RHOD: variants seen among roughly 807,000 people sequenced by gnomAD.
RHOD encodes rho-related GTP-binding protein RhoD.
Under a neutral mutation model 16.7 loss-of-function variants are expected in RHOD, and 11 were observed. The observed-to-expected ratio is 0.66, with a 90% confidence interval of 0.41 to 1.09. The LOEUF is 1.09. Ranked by LOEUF, RHOD falls within the 50% of genes least tolerant of loss-of-function variation. The probability of loss-of-function intolerance (pLI) is 0.00; values close to 1 mark genes in which losing one functional copy is unlikely to be tolerated. For missense variants in RHOD, 271 were observed against 291.7 expected (o/e 0.93, Z 0.52); for synonymous variants, 124 against 126.3 (o/e 0.98, Z 0.12).
intron 1 of RHOD, among the ~76,000 whole-genome samples, chr11:67,059,484 A>G (rs1202341645): frequency 6.6e-6 from 1 of 152,144 alleles, no homozygotes; most frequent in East Asian, 1.9e-4. Context: ...TGGAGGTTGC[A>G]GTGAACCGAG....
At chr11:67,061,226 G>A (rs543370750) in intron 1 of RHOD, among the ~76,000 whole-genome samples, 5 of 152,272 alleles carry the variant, frequency 3.3e-5, no homozygotes, top group South Asian at 4.1e-4. Flanking sequence ...TTGGCCAGGC[G>A]TGGTGGCTCA....
chr11:67,061,403 C>T (rs1008788695), intron 1 of RHOD, among the ~76,000 whole-genome samples: 2 of 152,046 alleles, frequency 1.3e-5, no homozygotes, highest in African/African-American at 2.4e-5. Context: ...GAGGCCGAGG[C>T]GGGTGGATCA....
chr11:67,064,945 G>T (rs1445884795), intron 1 of RHOD, among the ~76,000 whole-genome samples: 2 of 152,114 alleles, frequency 1.3e-5, no homozygotes, highest in African/African-American at 4.8e-5. Context: ...GGAGTCCCCT[G>T]CCCCCATCCA....
At position 67,066,739 on chromosome 11, in the gene RHOD, G is replaced by A. The variant is rs1854963209; in HGVS notation, c.222G>A (p.Gly74=). ...PVHLHIWDTA[G]QDDYDRLRPL... ...AGTGACCACCTCCACTCTGCCCAGG[G>A]CAAGATGACTATGACCGCCTGCGGC... Residue 74 remains glycine (G), a splice_region_variant and synonymous_variant, in exon 3 of 5, where the codon GGG becomes GGA. Transcript: ENST00000308831. 3 of 1,607,104 alleles carry A rather than the reference G, an allele frequency of 1.9e-6. No homozygotes were observed. Among genetic ancestry groups the A allele is most frequent in the Non-Finnish European group, 2.6e-6 (3 of 1,173,772 alleles).
intron 1 of RHOD, among the ~76,000 whole-genome samples, chr11:67,063,447 C>T (rs905861096): frequency 6.7e-6 from 1 of 149,224 alleles, no homozygotes; most frequent in African/African-American, 2.5e-5. Flanking sequence ...GAGTCAAGAT[C>T]GCACCACTGC....
chr11:67,063,613 T>A (rs1053390179), intron 1 of RHOD, among the ~76,000 whole-genome samples: 2 of 149,586 alleles, frequency 1.3e-5, no homozygotes, highest in African/African-American at 2.5e-5. Flanking sequence ...GCCTGGCTAA[T>A]ATGGTGAAAC....
At position 67,065,979 on chromosome 11, in the gene RHOD, A is replaced by G; in HGVS notation, c.216A>G (p.Thr72=). 1 of 1,251,934 alleles carries G rather than the reference A, an allele frequency of 8.0e-7. No homozygotes were observed. The highest frequency in any genetic ancestry group is 1.2e-5 in the South Asian group (1 of 84,800). 77.6% of individuals were successfully genotyped at this position (1,251,934 alleles called of 1,614,324 possible). A position where few individuals can be genotyped will look rare whatever the true frequency, so the allele number is the denominator to read the frequency against. The change falls in exon 2 of 5, where the codon ACA becomes ACG. Residue 72 remains threonine (T), a synonymous_variant. Coordinates refer to ENST00000308831, the MANE Select transcript of RHOD (RefSeq NM_014578.4). ...CTGTGCACCTCCACATCTGGGACAC[A>G]GCAGGTGGGTGTGCAGGGGTGGGGC... The part of the protein sequence containing the change: ...GKPVHLHIWD[T]AGQDDYDRLR...
chr11:67,071,603 G>T lies in RHOD; in HGVS notation c.*1G>T. ...CCAGGGCTTTTGCGTGGTGACCTGA[G>T]CGGCTCGGGGCGTCCCAGCGACGCG... On this transcript the variant is annotated 3_prime_UTR_variant, in exon 5 of 5. Transcript: ENST00000308831. 1 of 1,588,906 alleles carries T rather than the reference G, an allele frequency of 6.3e-7. No individual in the cohort carries two copies.
In RHOD at chr11:67,071,464, G is replaced by T. The variant is rs144292569; in HGVS notation, c.495G>T (p.Ala165=). 7 of 1,600,820 alleles carry T rather than the reference G, an allele frequency of 4.4e-6. No individual in the cohort carries two copies. Among genetic ancestry groups the T allele is most frequent in the African/African-American group, 2.7e-5 (2 of 74,670 alleles). ...RGQEMARSVG[A]VAYLECSARL... ...AGGAGATGGCGAGGTCCGTGGGCGC[G>T]GTGGCCTACCTCGAGTGCTCGGCTC... The change falls in exon 5 of 5, where the codon GCG becomes GCT. Residue 165 remains alanine, a synonymous_variant. Transcript: ENST00000308831.
intron 3 of RHOD, among the ~76,000 whole-genome samples, chr11:67,070,078 G>A (rs1284544060): frequency 6.6e-6 from 1 of 152,120 alleles, no homozygotes; most frequent in Non-Finnish European, 1.5e-5. Context: ...CTGCAGAGAG[G>A]AAAGATTCTA....
chr11:67,069,981 A>C (rs1424127546), intron 3 of RHOD, among the ~76,000 whole-genome samples: 1 of 151,636 alleles, frequency 6.6e-6, no homozygotes, highest in East Asian at 1.9e-4. Flanking sequence ...GTGAGCCACC[A>C]CACCTGGCCC....
At chr11:67,057,162 C>T in intron 1 of RHOD, 128 bp downstream of exon 1, 1 of 1,168,850 alleles carries the variant, frequency 8.6e-7, no homozygotes, top group Non-Finnish European at 1.1e-6. Flanking sequence ...GGCCTGGGGT[C>T]CAGGGCAGAG....
At position 67,067,799 on chromosome 11, in the gene RHOD, G is replaced by T. The variant is rs576004494; in HGVS notation, c.330+952G>T. 1.8e-4 allele frequency among the ~76,000 whole-genome samples: 11 copies of T among 60,198 alleles called. No homozygotes were observed. The South Asian group carries it at 8.4e-3, about 46-fold the overall frequency. The allele number at this position is 60,198 out of a possible 152,430, so 39.5% of individuals were successfully genotyped here. On this transcript the variant is annotated intron_variant, in intron 3 of 4. Coordinates refer to ENST00000308831, the MANE Select transcript of RHOD (RefSeq NM_014578.4). ...GTGGGTGGGAGGGAGGAGTTTTTTT[G>T]TTTGTTTGTTTGTTTTTTGAAACGG...
chr11:67,061,711 C>T lies in RHOD; in HGVS notation c.133-4185C>T, dbSNP rs528924322. On this transcript the variant is annotated intron_variant, in intron 1 of 4. Transcript: ENST00000308831. ...ATCAGGCCACTGCACTCCAGCCTGT[C>T]CAGGAGGCGACAGAGCGAGACCCTC... Among the ~76,000 whole-genome samples, 244 of 33,430 alleles carry T rather than the reference C, an allele frequency of 7.3e-3. 2 individuals carry two copies. Among genetic ancestry groups the T allele is most frequent in the Middle Eastern group, 0.037 (3 of 82 alleles). 21.9% of individuals were successfully genotyped at this position (33,430 alleles called of 152,430 possible).
At chr11:67,070,386 T>G in intron 3 of RHOD, 39 bp from the exon 4 acceptor site, 1 of 1,608,670 alleles carries the variant, frequency 6.2e-7, no homozygotes, top group Non-Finnish European at 8.5e-7. Flanking sequence ...TCTCCAGGGC[T>G]CACACATGCC....
At chr11:67,069,381 C>A (rs549507288) in intron 3 of RHOD, among the ~76,000 whole-genome samples, 45 of 152,026 alleles carry the variant, frequency 3.0e-4, no homozygotes, top group African/African-American at 1.0e-3. Context: ...TTTTTTGAGA[C>A]GGAGTCTCAC....
chr11:67,059,435 C>T (rs112062440), intron 1 of RHOD, among the ~76,000 whole-genome samples: 2,314 of 152,050 alleles, frequency 0.015, 26 homozygotes, highest in African/African-American at 0.028. Flanking sequence ...CCCAGCTACT[C>T]GGGAAGCTGA....
At chr11:67,067,750 T>C (rs978361439) in intron 3 of RHOD, among the ~76,000 whole-genome samples, 3 of 151,994 alleles carry the variant, frequency 2.0e-5, no homozygotes, top group South Asian at 2.1e-4. Flanking sequence ...TTGCTGATGA[T>C]CAGAGTTTCT....
chr11:67,056,847 A>C lies in RHOD; in HGVS notation c.-56A>C, dbSNP rs1398801908. On this transcript the variant is annotated 5_prime_UTR_variant, in exon 1 of 5. Coordinates refer to ENST00000308831, the MANE Select transcript of RHOD (RefSeq NM_014578.4). The stretch of plus-strand genomic sequence containing the variant: ...CTGCCCCGCCGGGCCTGCCCCGCGC[A>C]GTCTGGGTCTCTGCGCCGCAGCCGC... The C allele has an allele frequency of 1.1e-4, 147 of 1,309,162 alleles. No homozygotes were observed. The highest frequency in any genetic ancestry group is 1.3e-4 in the Non-Finnish European group (136 of 1,037,650). 81.1% of individuals were successfully genotyped at this position (1,309,162 alleles called of 1,614,324 possible). A position where few individuals can be genotyped will look rare whatever the true frequency, so the allele number is the denominator to read the frequency against.
Sources: gnomAD v4.1 joint callset for allele counts (sites outside exome capture counted in the v4.1 genomes callset) on GRCh38, gnomAD v4.1.1 for gene constraint, MANE v1.5 for transcripts, NCBI Gene and HGNC (gene_info 2026-07-23, HGNC 2026-07-21) for gene names.